NPAS3: variants seen among roughly 807,000 people sequenced by gnomAD.
NPAS3 encodes the protein neuronal PAS domain-containing protein 3.
Under a neutral mutation model 73.1 loss-of-function variants are expected in NPAS3, and 14 were observed. The observed-to-expected ratio is 0.19, with a 90% CI of 0.13 to 0.30. The LOEUF (loss-of-function observed/expected upper bound fraction) is 0.30. NPAS3 is among the 10% of genes least tolerant of loss of function. The pLI is 1.00. For synonymous variants in NPAS3, 620 were observed against 541.5 expected (o/e 1.14, Z -2.01); for missense variants, 1,096 against 1,250.0 (o/e 0.88, Z 1.86).
intron 4 of NPAS3, among the ~76,000 whole-genome samples, chr14:33,509,591 G>T (rs1431788663): frequency 6.6e-6 from 1 of 152,016 alleles, no homozygotes; most frequent in Non-Finnish European, 1.5e-5. Context: ...ATGACTGAGG[G>T]TGTGCATTAG....
Position 33,750,281 on chromosome 14 carries a change from C to A in NPAS3, c.852+14949C>A, listed in dbSNP as rs908978600. On this transcript the variant is annotated intron_variant, in intron 7 of 11. Coordinates refer to ENST00000356141, the Ensembl canonical transcript of NPAS3. ...TCTAATAATAATAATTCCCTTTTGA[C>A]ATCATAGAGGTAGAAGAAATCATCA... 4.6e-5 allele frequency among the ~76,000 whole-genome samples: 7 copies of A among 151,006 alleles called. No individual in the cohort carries two copies. In the East Asian group the frequency reaches 1.4e-3, roughly 29 times the overall value.
intron 3 of NPAS3, among the ~76,000 whole-genome samples, chr14:33,247,036 AAAGAG>A (rs761245288): frequency 4.0e-5 from 6 of 151,798 alleles, no homozygotes; most frequent in Non-Finnish European, 5.9e-5. Context: ...AACAAACAAA[AAAGAG>A]AAAGAAAGAA....
intron 6 of NPAS3, among the ~76,000 whole-genome samples, chr14:33,681,642 A>G (rs2059941137): frequency 6.6e-6 from 1 of 152,174 alleles, no homozygotes; most frequent in African/African-American, 2.4e-5. Context: ...TTCTGGAATT[A>G]TGTTATCACC....
chr14:33,375,394 G>C (rs1353136670), intron 4 of NPAS3, among the ~76,000 whole-genome samples: 1 of 152,198 alleles, frequency 6.6e-6, no homozygotes, highest in Non-Finnish European at 1.5e-5. Flanking sequence ...AATGAGACCA[G>C]TTTGCACTAA....
intron 1 of NPAS3, among the ~76,000 whole-genome samples, chr14:33,047,724 CA>C (rs2040558739): frequency 6.6e-6 from 1 of 152,152 alleles, no homozygotes; most frequent in Non-Finnish European, 1.5e-5. Context: ...TGGTAGTTTA[CA>C]CAAATGTGAA....
chr14:33,265,080 TTTC>T (rs1566738446), intron 3 of NPAS3, among the ~76,000 whole-genome samples: 1 of 152,224 alleles, frequency 6.6e-6, no homozygotes, highest in Non-Finnish European at 1.5e-5. Context: ...AGAATACTCT[TTTC>T]TTCTTTGGTA....
chr14:33,165,771 C>T (rs140196190), intron 2 of NPAS3, among the ~76,000 whole-genome samples: 77 of 152,076 alleles, frequency 5.1e-4, no homozygotes, highest in Non-Finnish European at 1.1e-3. Flanking sequence ...CCCACTTCCT[C>T]CTTCCCCCAA....
intron 6 of NPAS3, among the ~76,000 whole-genome samples, chr14:33,703,323 CA>C (rs922113566): frequency 1.9e-3 from 288 of 149,104 alleles, no homozygotes; most frequent in Middle Eastern, 6.9e-3. Flanking sequence ...CCCATTTCTA[CA>C]AAAAAAAAAT....
chr14:33,086,661 G>A (rs372118097), intron 2 of NPAS3, among the ~76,000 whole-genome samples: 1 of 152,110 alleles, frequency 6.6e-6, no homozygotes, highest in African/African-American at 2.4e-5. Flanking sequence ...CCTTTATTCT[G>A]ACCTAAAATG....
intron 4 of NPAS3, among the ~76,000 whole-genome samples, chr14:33,460,133 C>T (rs2050194591): frequency 6.6e-6 from 1 of 152,182 alleles, no homozygotes; most frequent in South Asian, 2.1e-4. Context: ...ATACAGCTCT[C>T]TTATGGGCAT....
chr14:32,934,914 G>T, upstream of NPAS3: 1 of 1,022,492 alleles, frequency 9.8e-7, no homozygotes, highest in Non-Finnish European at 1.2e-6. This position sits in a 1 kb window ranked among gnomAD's most constrained non-coding sequence, Gnocchi z 4.1. Flanking sequence ...CGGCCGCGGG[G>T]GTGCCGGCCG....
chr14:33,671,211 C>CATCA (rs1269470943), intron 5 of NPAS3, among the ~76,000 whole-genome samples: 1 of 152,160 alleles, frequency 6.6e-6, no homozygotes, highest in Non-Finnish European at 1.5e-5. Flanking sequence ...ACTGTTAGTA[C>CATCA]ATCACTGTAG....
At chr14:33,612,513 T>G (rs765315032) in intron 5 of NPAS3, 12 of 455,924 alleles carry the variant, frequency 2.6e-5, no homozygotes, top group Non-Finnish European at 5.3e-5. Flanking sequence ...AAATTCTCCC[T>G]TGGAAGGAGT....
At chr14:33,562,217 A>G (rs73270909) in intron 5 of NPAS3, among the ~76,000 whole-genome samples, 6,080 of 152,306 alleles carry the variant, frequency 0.04, 427 homozygotes, top group African/African-American at 0.14. Context: ...TTTCTACTGT[A>G]TCATTAAGTA....
In NPAS3 at chr14:33,800,023, C is replaced by T. The variant is rs1298797496; in HGVS notation, c.1716C>T (p.Cys572=). The change falls in exon 12 of 12, where the codon TGC becomes TGT. Residue 572 remains cysteine (C), a synonymous_variant. Coordinates refer to ENST00000356141, the Ensembl canonical transcript of NPAS3. The surrounding 1 kb of genome is among the most constrained non-coding windows in gnomAD (Gnocchi z 6.5). ...AGTCGGACCTGCGGCTGCAGAACTGCGAGTCACTCACGTCCGACAGCGCCA... is the reference window on the plus strand; with the variant it reads ...AGTCGGACCTGCGGCTGCAGAACTGTGAGTCACTCACGTCCGACAGCGCCA... 3 of 1,610,994 alleles carry T rather than the reference C, an allele frequency of 1.9e-6. No individual in the cohort carries two copies. The African/African-American group carries it at 4.0e-5, about 21-fold the overall frequency.
At chr14:33,758,950 A>G (rs2062199526) in intron 7 of NPAS3, among the ~76,000 whole-genome samples, 1 of 152,254 alleles carries the variant, frequency 6.6e-6, no homozygotes, top group Non-Finnish European at 1.5e-5. Context: ...TTTTGAATTA[A>G]TTGCATGAGC....
At chr14:33,459,624 G>A (rs1250636463) in intron 4 of NPAS3, among the ~76,000 whole-genome samples, 1 of 152,148 alleles carries the variant, frequency 6.6e-6, no homozygotes, top group Non-Finnish European at 1.5e-5. Context: ...TCATGGTGTT[G>A]CTAGTAAGAT....
chr14:33,126,987 T>C (rs1313114393), intron 2 of NPAS3, among the ~76,000 whole-genome samples: 1 of 152,128 alleles, frequency 6.6e-6, no homozygotes, highest in Non-Finnish European at 1.5e-5. Flanking sequence ...ACTAGAACTG[T>C]AGTAGTATTA....
At position 33,393,638 on chromosome 14, in the gene NPAS3, T is replaced by C. The variant is rs2047100604; in HGVS notation, c.468+26370T>C. On this transcript the variant is annotated intron_variant, in intron 4 of 11. Transcript: ENST00000356141. ...AATTTCCAGGGTTGCAGCTGAATTA[T>C]TAGAGATTACTGTGTTATAAATGGC... Among the ~76,000 whole-genome samples the C allele has an allele frequency of 2.0e-5, 3 of 152,270 alleles. No individual in the cohort carries two copies. In the South Asian group the frequency reaches 6.2e-4, roughly 32 times the overall value.
Sources: allele counts gnomAD v4.1 joint callset (sites outside exome capture counted in the v4.1 genomes callset), GRCh38; gene constraint gnomAD v4.1.1; non-coding constraint Gnocchi (gnomAD v3.1); transcripts MANE v1.5; gene names NCBI Gene and HGNC (gene_info 2026-07-23, HGNC 2026-07-21).